Variants in GAP43 observed in about 807,000 individuals in gnomAD.
GAP43 encodes the protein growth associated protein 43.
Under a neutral mutation model 18.6 loss-of-function variants are expected in GAP43, and 6 were observed. The ratio of observed to expected loss-of-function variants is 0.32; its 90% CI spans 0.18 to 0.64. GAP43 has a LOEUF of 0.64. Among genes scored for constraint, GAP43 ranks in the 30% least tolerant of loss-of-function variants. The pLI, the probability that GAP43 is intolerant of heterozygous loss-of-function variation, is 0.78. For synonymous variants in GAP43, 115 were observed against 111.4 expected (o/e 1.03, Z -0.20); for missense variants, 292 against 295.5 (o/e 0.99, Z 0.09).
intron 1 of GAP43, chr3:115,663,874 T>G: frequency 6.4e-7 from 1 of 1,552,172 alleles, no homozygotes. Flanking sequence ...CAGTTCGACC[T>G]AGTCCTTATT....
At chr3:115,717,100 G>A (rs180706664) in intron 2 of GAP43, among the ~76,000 whole-genome samples, 2 of 152,046 alleles carry the variant, frequency 1.3e-5, no homozygotes, top group African/African-American at 4.8e-5. Flanking sequence ...AGACTTCAGT[G>A]TCATCACCTG....
intron 1 of GAP43, among the ~76,000 whole-genome samples, chr3:115,663,335 G>A (rs1283461818): frequency 1.3e-5 from 2 of 152,172 alleles, no homozygotes; most frequent in African/African-American, 4.8e-5. Flanking sequence ...ATAAATCGCA[G>A]AACCTTCTCT....
chr3:115,680,086 T>G (rs1324144433), intron 2 of GAP43, among the ~76,000 whole-genome samples: 1 of 152,204 alleles, frequency 6.6e-6, no homozygotes, highest in Non-Finnish European at 1.5e-5. Flanking sequence ...CTCCTTCTTT[T>G]CTATTCTTCC....
At chr3:115,655,520 A>G (rs1708569838) in intron 1 of GAP43, among the ~76,000 whole-genome samples, 1 of 152,218 alleles carries the variant, frequency 6.6e-6, no homozygotes, top group South Asian at 2.1e-4. Context: ...TATAAGCTTC[A>G]CTATCTTCTC....
intron 1 of GAP43, among the ~76,000 whole-genome samples, chr3:115,625,863 T>G (rs1450059417): frequency 6.6e-6 from 1 of 152,186 alleles, no homozygotes; most frequent in African/African-American, 2.4e-5. Context: ...CATGTGTAAG[T>G]GGTTTCCACA....
chr3:115,708,536 A>G (rs1166409710), intron 2 of GAP43, among the ~76,000 whole-genome samples: 1 of 152,190 alleles, frequency 6.6e-6, no homozygotes, highest in Non-Finnish European at 1.5e-5. Context: ...AAGAGGATAG[A>G]GCAGAGGAAG....
chr3:115,678,289 A>G (rs1034027007), intron 2 of GAP43, among the ~76,000 whole-genome samples: 2 of 152,242 alleles, frequency 1.3e-5, no homozygotes, highest in African/African-American at 4.8e-5. Flanking sequence ...TTTTAAATAC[A>G]GAACATATCT....
At chr3:115,647,920 G>T (rs1299667840) in intron 1 of GAP43, among the ~76,000 whole-genome samples, 1 of 151,920 alleles carries the variant, frequency 6.6e-6, no homozygotes, top group Non-Finnish European at 1.5e-5. Flanking sequence ...TTTGAAACAC[G>T]TATATAGAAG....
chr3:115,628,890 T>C (rs1708225415), intron 1 of GAP43, among the ~76,000 whole-genome samples: 1 of 152,200 alleles, frequency 6.6e-6, no homozygotes, highest in Admixed American at 6.5e-5. Context: ...TGTTTTTAGC[T>C]TCTGATCCAT....
At chr3:115,696,578 G>T (rs79176588) in intron 2 of GAP43, among the ~76,000 whole-genome samples, 2 of 55,166 alleles carry the variant, frequency 3.6e-5, no homozygotes, top group Non-Finnish European at 3.1e-5. Context: ...GCCCCCCACC[G>T]CCCCCCCCCC....
intron 2 of GAP43, among the ~76,000 whole-genome samples, chr3:115,691,056 C>T (rs558627655): frequency 6.6e-6 from 1 of 152,064 alleles, no homozygotes; most frequent in Non-Finnish European, 1.5e-5. Context: ...CGCCTGGCCC[C>T]CTCTGGGCAA....
chr3:115,709,581 C>A (rs1390146599), intron 2 of GAP43, among the ~76,000 whole-genome samples: 2 of 152,096 alleles, frequency 1.3e-5, no homozygotes, highest in Non-Finnish European at 2.9e-5. Context: ...GTAAATTGAT[C>A]GTGTTCTAAA....
intron 1 of GAP43, chr3:115,663,916 G>A: frequency 1.3e-6 from 2 of 1,551,766 alleles, no homozygotes; most frequent in Non-Finnish European, 1.7e-6. Flanking sequence ...GGATTTCAAG[G>A]GTAATTTTAC....
intron 2 of GAP43, among the ~76,000 whole-genome samples, chr3:115,678,306 G>A (rs1303775232): frequency 1.3e-5 from 2 of 152,124 alleles, no homozygotes; most frequent in African/African-American, 2.4e-5. Context: ...ATCTGACATG[G>A]CACAGACCAT....
intron 2 of GAP43, among the ~76,000 whole-genome samples, chr3:115,698,584 G>A (rs1269571178): frequency 6.6e-6 from 1 of 151,518 alleles, no homozygotes; most frequent in Non-Finnish European, 1.5e-5. Flanking sequence ...TTTGTATGTG[G>A]TGGAACTTGG....
intron 2 of GAP43, among the ~76,000 whole-genome samples, chr3:115,690,339 G>A (rs1709093623): frequency 6.6e-6 from 1 of 151,378 alleles, no homozygotes; most frequent in Admixed American, 6.6e-5. Context: ...AAAAGAAAAG[G>A]ATTGAGTTTC....
At chr3:115,643,897 A>G (rs1466366986) in intron 1 of GAP43, among the ~76,000 whole-genome samples, 1 of 152,060 alleles carries the variant, frequency 6.6e-6, no homozygotes, top group Non-Finnish European at 1.5e-5. Context: ...ACAAATATTT[A>G]TTGAATGAAT....
intron 1 of GAP43, among the ~76,000 whole-genome samples, chr3:115,631,393 C>T (rs1708258658): frequency 6.6e-6 from 1 of 152,086 alleles, no homozygotes; most frequent in African/African-American, 2.4e-5. Context: ...TCCTGTCTTA[C>T]CTTTTCTTCT....
intron 1 of GAP43, chr3:115,663,521 A>G (rs981163229): frequency 3.2e-5 from 40 of 1,231,376 alleles, no homozygotes; most frequent in Non-Finnish European, 3.8e-5. Context: ...TTGCTTTCAG[A>G]ATTAAAAGGG....
Sources: allele counts gnomAD v4.1 joint callset (sites outside exome capture counted in the v4.1 genomes callset), GRCh38; gene constraint gnomAD v4.1.1; transcripts MANE v1.5; gene names NCBI Gene and HGNC (gene_info 2026-07-23, HGNC 2026-07-21).